The following CNTNAP5 variants were observed in gnomAD, a reference collection of about 807,000 sequenced individuals.
CNTNAP5 encodes the protein contactin-associated protein-like 5.
A neutral mutation model predicts 150.2 loss-of-function variants in CNTNAP5; 72 were observed. That is an observed-to-expected ratio of 0.48 (90% CI 0.40 to 0.58). CNTNAP5 has a LOEUF of 0.58. Among genes scored for constraint, CNTNAP5 ranks in the 20% least tolerant of loss-of-function variants. CNTNAP5 has a pLI of 0.00. For missense variants in CNTNAP5, 1,636 were observed against 1,626.2 expected (o/e 1.01, Z -0.10); for synonymous variants, 672 against 619.8 (o/e 1.08, Z -1.25).
intron 13 of CNTNAP5, among the ~76,000 whole-genome samples, chr2:124,713,321 T>TCC (rs1679870274): frequency 5.5e-5 from 2 of 36,248 alleles, no homozygotes; most frequent in South Asian, 2.7e-3. Flanking sequence ...TTTCTTTCCT[T>TCC]TCTTTCTTTC....
chr2:124,126,678 G>A (rs189286612), intron 1 of CNTNAP5, among the ~76,000 whole-genome samples: 2 of 151,748 alleles, frequency 1.3e-5, no homozygotes, highest in South Asian at 2.1e-4. Flanking sequence ...CTGGCAAACC[G>A]AATCCAGCAG....
At chr2:124,690,116 C>T (rs891670258) in intron 13 of CNTNAP5, among the ~76,000 whole-genome samples, 2 of 151,968 alleles carry the variant, frequency 1.3e-5, no homozygotes, top group African/African-American at 2.4e-5. Flanking sequence ...AGTATGAATT[C>T]TCACTTGGAG....
intron 17 of CNTNAP5, chr2:124,778,605 C>G (rs1210617176): frequency 6.5e-6 from 1 of 154,008 alleles, no homozygotes; most frequent in Non-Finnish European, 1.5e-5. Context: ...ATCTTCCACA[C>G]TCAAGCCAGA....
chr2:124,444,311 C>T lies in CNTNAP5; in HGVS notation c.734-2442C>T, dbSNP rs1987110. Among the ~76,000 whole-genome samples, 1,209 of 152,182 alleles carry T rather than the reference C, an allele frequency of 7.9e-3. 19 individuals carry two copies. The highest frequency in any genetic ancestry group is 0.027 in the African/African-American group (1,136 of 41,512). On this transcript the variant is annotated intron_variant, in intron 5 of 23. Transcript: ENST00000682447. The stretch of plus-strand genomic sequence containing the variant: ...AATAACCTTTCTTAAAAGTAATCTG[C>T]TGGCCGGGCGCAGTGGCTCACACCT...
chr2:124,402,333 A>G (rs1032814971), intron 3 of CNTNAP5, among the ~76,000 whole-genome samples: 2 of 152,174 alleles, frequency 1.3e-5, no homozygotes, highest in African/African-American at 4.8e-5. Flanking sequence ...GGGAATTTTT[A>G]CTGCCAGAGA....
chr2:124,564,618 C>T (rs893669566), intron 11 of CNTNAP5, among the ~76,000 whole-genome samples: 4 of 152,056 alleles, frequency 2.6e-5, no homozygotes, highest in African/African-American at 4.8e-5. Context: ...CCTCCCAAAG[C>T]ACTGGGATTA....
intron 1 of CNTNAP5, among the ~76,000 whole-genome samples, chr2:124,041,022 G>T (rs1681357817): frequency 6.6e-6 from 1 of 152,118 alleles, no homozygotes; most frequent in Non-Finnish European, 1.5e-5. Flanking sequence ...GCCATGAATG[G>T]TCTGAGAAAA....
At chr2:124,336,400 T>A (rs1342442810) in intron 3 of CNTNAP5, among the ~76,000 whole-genome samples, 1 of 151,946 alleles carries the variant, frequency 6.6e-6, no homozygotes, top group Admixed American at 6.6e-5. Context: ...ATACTTTAAG[T>A]TTTAGGGTAC....
chr2:124,706,164 A>C (rs1263148220), intron 13 of CNTNAP5, among the ~76,000 whole-genome samples: 2 of 152,208 alleles, frequency 1.3e-5, no homozygotes, highest in African/African-American at 2.4e-5. Context: ...GGACTTACCC[A>C]AAAGACGAGT....
At chr2:124,490,473 T>G (rs1170386315) in intron 7 of CNTNAP5, among the ~76,000 whole-genome samples, 8 of 152,030 alleles carry the variant, frequency 5.3e-5, no homozygotes, top group Admixed American at 5.2e-4. Flanking sequence ...TAATAATTAA[T>G]TTTTGTTATA....
At chr2:124,358,582 C>T (rs2104711245) in intron 3 of CNTNAP5, among the ~76,000 whole-genome samples, 1 of 152,192 alleles carries the variant, frequency 6.6e-6, no homozygotes, top group African/African-American at 2.4e-5. Context: ...TTGTCTTTGG[C>T]TCTGTTTATA....
chr2:124,826,164 A>C (rs978431672), intron 19 of CNTNAP5, among the ~76,000 whole-genome samples: 2 of 152,198 alleles, frequency 1.3e-5, no homozygotes, highest in African/African-American at 4.8e-5. Flanking sequence ...TAATTATTAA[A>C]TATCAAAAGA....
At chr2:124,845,557 T>C (rs1683031857) in intron 19 of CNTNAP5, among the ~76,000 whole-genome samples, 2 of 151,966 alleles carry the variant, frequency 1.3e-5, no homozygotes, top group Admixed American at 1.3e-4. Context: ...GTCTATAGGA[T>C]TGGTACCAAT....
intron 12 of CNTNAP5, among the ~76,000 whole-genome samples, chr2:124,626,965 G>A (rs1252725942): frequency 3.3e-5 from 5 of 152,184 alleles, no homozygotes; most frequent in African/African-American, 1.2e-4. Context: ...CCACAGTGCA[G>A]CAAAGGAGCT....
At chr2:124,396,132 C>G (rs557139425) in intron 3 of CNTNAP5, among the ~76,000 whole-genome samples, 2 of 152,276 alleles carry the variant, frequency 1.3e-5, no homozygotes, top group East Asian at 1.9e-4. Flanking sequence ...CTTATAAGAC[C>G]TTGCAAGTCA....
intron 1 of CNTNAP5, among the ~76,000 whole-genome samples, chr2:124,156,774 C>A (rs1684558315): frequency 6.6e-6 from 1 of 152,160 alleles, no homozygotes. Context: ...CAGGCGTGAG[C>A]CACCGTGCCC....
chr2:124,415,067 A>C (rs781635419), intron 3 of CNTNAP5, among the ~76,000 whole-genome samples: 29 of 152,226 alleles, frequency 1.9e-4, no homozygotes, highest in Admixed American at 7.2e-4. Context: ...TAAACTCCAC[A>C]GGGAGGCGTC....
chr2:124,423,886 G>A (rs1477787768), intron 4 of CNTNAP5, among the ~76,000 whole-genome samples: 3 of 149,618 alleles, frequency 2.0e-5, no homozygotes, highest in East Asian at 4.0e-4. Context: ...GGATGGTCTC[G>A]ATCTCCTGAC....
At chr2:124,475,984 T>C (rs184530540) in intron 7 of CNTNAP5, among the ~76,000 whole-genome samples, 1 of 152,184 alleles carries the variant, frequency 6.6e-6, no homozygotes, top group East Asian at 1.9e-4. Context: ...CCTGGATAGT[T>C]TTTAAAATTC....
Sources: allele counts gnomAD v4.1 joint callset (sites outside exome capture counted in the v4.1 genomes callset), GRCh38; gene constraint gnomAD v4.1.1; transcripts MANE v1.5; gene names NCBI Gene and HGNC (gene_info 2026-07-23, HGNC 2026-07-21).